The following RORA variants were observed in gnomAD, a reference collection of about 807,000 sequenced individuals.
The protein encoded by RORA is RAR related orphan receptor A.
Under a neutral mutation model 69.5 loss-of-function variants are expected in RORA, and 7 were observed. The ratio of observed to expected loss-of-function variants is 0.10; its 90% CI spans 0.06 to 0.19. RORA has a LOEUF of 0.19. Ranked by LOEUF, RORA falls within the 10% of genes least tolerant of loss-of-function variation. The pLI is 1.00. For synonymous variants in RORA, 261 were observed against 240.8 expected (o/e 1.08, Z -0.78); for missense variants, 457 against 663.0 (o/e 0.69, Z 3.41).
intron 2 of RORA, among the ~76,000 whole-genome samples, chr15:60,542,459 C>G (rs1251614281): frequency 6.6e-6 from 1 of 150,780 alleles, no homozygotes; most frequent in Admixed American, 6.6e-5. Flanking sequence ...CACAGGCACA[C>G]CTCACACACA....
chr15:60,593,040 G>T (rs1310179294), intron 2 of RORA: 1 of 438,174 alleles, frequency 2.3e-6, no homozygotes, highest in Non-Finnish European at 4.6e-6. Flanking sequence ...TAATCGGAAG[G>T]TACGGCCCAC....
rs2065278310 is a variant in RORA at position 60,499,944 on chromosome 15, G to A, written c.1355C>T (p.Ala452Val). 1.2e-6 allele frequency: 2 copies of A among 1,613,014 alleles called. No individual in the cohort carries two copies. Among genetic ancestry groups the A allele is most frequent in the East Asian group, 4.5e-5 (2 of 44,840 alleles). ...IEKLQQKIQL[A>V]LQHVLQKNHR... Reference sequence around the variant, plus strand: ...ATTCTTCTGTAGGACGTGTTGAAGAGCTAGCTGAATTTTCTGTTGCAGTTT... The same window carrying A: ...ATTCTTCTGTAGGACGTGTTGAAGAACTAGCTGAATTTTCTGTTGCAGTTT... Residue 452 changes from alanine (A) to valine (V), a missense_variant, in exon 10 of 11, where the codon GCT becomes GTT. Coordinates refer to ENST00000335670, the MANE Select transcript of RORA (RefSeq NM_134261.3).
intron 1 of RORA, among the ~76,000 whole-genome samples, chr15:60,949,486 T>C (rs1161812629): frequency 1.3e-5 from 2 of 152,170 alleles, no homozygotes; most frequent in Non-Finnish European, 2.9e-5. Flanking sequence ...CACACAGCCC[T>C]GGACCCGAGC....
intron 2 of RORA, among the ~76,000 whole-genome samples, chr15:60,605,774 T>C (rs2068931434): frequency 6.6e-6 from 1 of 152,246 alleles, no homozygotes; most frequent in South Asian, 2.1e-4. Flanking sequence ...ACTTTCATTG[T>C]TTCCTAACTT....
At chr15:60,672,081 C>T (rs1029559041) in intron 2 of RORA, among the ~76,000 whole-genome samples, 3 of 152,100 alleles carry the variant, frequency 2.0e-5, no homozygotes, top group Admixed American at 6.5e-5. Flanking sequence ...AGCGAGTCCC[C>T]TTCTAAAAAA....
intron 1 of RORA, among the ~76,000 whole-genome samples, chr15:60,765,870 C>T (rs1355822814): frequency 2.6e-5 from 4 of 151,942 alleles, no homozygotes; most frequent in African/African-American, 9.7e-5. Flanking sequence ...CCCCACCTAA[C>T]CCCCCAATAT....
At chr15:60,583,489 A>G (rs1342733088) in intron 2 of RORA, among the ~76,000 whole-genome samples, 1 of 152,240 alleles carries the variant, frequency 6.6e-6, no homozygotes, top group Non-Finnish European at 1.5e-5. Context: ...GCCCAGGCAC[A>G]CAGTGAAGGC....
intron 1 of RORA, among the ~76,000 whole-genome samples, chr15:61,204,119 G>C (rs550497384): frequency 6.4e-4 from 98 of 152,272 alleles, no homozygotes; most frequent in African/African-American, 2.3e-3. Flanking sequence ...AGAAAATACA[G>C]GTGCTCTAGA....
intron 1 of RORA, among the ~76,000 whole-genome samples, chr15:60,851,794 A>G (rs1251234830): frequency 6.7e-6 from 1 of 150,358 alleles, no homozygotes; most frequent in East Asian, 1.9e-4. Flanking sequence ...TTTTTTCCCC[A>G]CAATAGTTTT....
In RORA at chr15:61,229,132, G is replaced by A. The variant is rs1247942224; in HGVS notation, c.87C>T (p.Thr29=). ...GADAAAGSRE[T]PLNQESARKS... is the part of the protein sequence containing the mutation. ...TGCGGGCGGATTCCTGGTTCAGCGGGGTCTCCCTGGAGCCGGCGGCCGCGT... is the reference window on the plus strand; with the variant it reads ...TGCGGGCGGATTCCTGGTTCAGCGGAGTCTCCCTGGAGCCGGCGGCCGCGT... The change falls in exon 1 of 11, where the codon ACC becomes ACT. Residue 29 remains threonine, a synonymous_variant. Transcript: ENST00000335670. 6.5e-7 allele frequency: 1 copy of A among 1,542,864 alleles called. No individual in the cohort carries two copies. Among genetic ancestry groups the A allele is most frequent in the Non-Finnish European group, 8.7e-7 (1 of 1,144,958 alleles).
chr15:61,212,143 C>T (rs1468453328), intron 1 of RORA, among the ~76,000 whole-genome samples: 1 of 152,158 alleles, frequency 6.6e-6, no homozygotes, highest in Non-Finnish European at 1.5e-5. Flanking sequence ...TCCACAGCTA[C>T]TATTCATTCC....
chr15:61,229,029 C>CCCAGCCCCTCT (rs1567046426), intron 1 of RORA, 24 bp downstream of exon 1: 1 of 1,446,988 alleles, frequency 6.9e-7, no homozygotes. Flanking sequence ...CCGCCCCCTC[C>CCCAGCCCCTCT]CCAGCCCCTC....
chr15:61,095,668 T>C (rs1215581814), intron 1 of RORA, among the ~76,000 whole-genome samples: 1 of 152,200 alleles, frequency 6.6e-6, no homozygotes, highest in East Asian at 1.9e-4. Context: ...GCAGAACCCT[T>C]TGCTTAAGCA....
chr15:60,731,558 C>A (rs1339050368), intron 1 of RORA, among the ~76,000 whole-genome samples: 1 of 152,206 alleles, frequency 6.6e-6, no homozygotes, highest in Non-Finnish European at 1.5e-5. Context: ...ATGGCCCCAA[C>A]TGCTAAGAGG....
chr15:60,835,605 C>T (rs1181416546), intron 1 of RORA, among the ~76,000 whole-genome samples: 1 of 152,180 alleles, frequency 6.6e-6, no homozygotes, highest in Non-Finnish European at 1.5e-5. Flanking sequence ...ACTCTCATGG[C>T]AATCGTGATT....
chr15:60,993,428 C>T (rs540923123), intron 1 of RORA, among the ~76,000 whole-genome samples: 2 of 152,066 alleles, frequency 1.3e-5, no homozygotes, highest in African/African-American at 4.8e-5. Context: ...TACCTGAGGT[C>T]AGGAGTTCAA....
intron 2 of RORA, among the ~76,000 whole-genome samples, chr15:60,572,969 G>A (rs922341338): frequency 3.3e-5 from 5 of 152,180 alleles, no homozygotes; most frequent in African/African-American, 1.2e-4. Context: ...GCTGTGACAC[G>A]AGCTCAGCCG....
At chr15:60,709,857 C>T (rs2071118981) in intron 1 of RORA, among the ~76,000 whole-genome samples, 1 of 152,122 alleles carries the variant, frequency 6.6e-6, no homozygotes, top group Non-Finnish European at 1.5e-5. Context: ...ACTCCTGCCC[C>T]ACTCTGTGGA....
intron 1 of RORA, among the ~76,000 whole-genome samples, chr15:61,041,709 C>T (rs1028634534): frequency 6.6e-6 from 1 of 152,168 alleles, no homozygotes; most frequent in Non-Finnish European, 1.5e-5. Context: ...CAGGCGCGAG[C>T]CACCATGCCC....
Sources: allele counts gnomAD v4.1 joint callset (sites outside exome capture counted in the v4.1 genomes callset), GRCh38; gene constraint gnomAD v4.1.1; transcripts MANE v1.5; gene names NCBI Gene and HGNC (gene_info 2026-07-23, HGNC 2026-07-21).